The following PZP variants were observed in gnomAD, a reference collection of about 807,000 sequenced individuals.
The protein encoded by PZP is pregnancy zone protein.
PZP carries 150 observed loss-of-function variants against 179.8 expected under a neutral mutation model. The ratio of observed to expected loss-of-function variants is 0.83; its 90% confidence interval spans 0.73 to 0.96. The LOEUF (loss-of-function observed/expected upper bound fraction) is 0.96. Among genes scored for constraint, PZP ranks in the 40% least tolerant of loss-of-function variants. PZP has a pLI of 0.00. For synonymous variants in PZP, 624 were observed against 652.3 expected (o/e 0.96, Z 0.66); for missense variants, 1,689 against 1,764.0 (o/e 0.96, Z 0.76).
chr12:9,139,601 A>C, the PZP span, among the ~76,000 whole-genome samples: 1 of 152,158 alleles, frequency 6.6e-6, no homozygotes, highest in African/African-American at 2.4e-5. Context: ...TTATATATTT[A>C]GGTGTTCTAC....
chr12:9,163,743 T>G lies in PZP; in HGVS notation c.2661A>C (p.Glu887Asp). 1 of 1,613,808 alleles carries G rather than the reference T, an allele frequency of 6.2e-7. No homozygotes were observed. The highest frequency in any genetic ancestry group is 1.1e-5 in the South Asian group (1 of 91,068). ...CCTCAACAACCTCATTTCCACAGAG[T>G]TCTAAGGACTGCATTGCCTCTGCAC... ...SVSAEAMQSL[E>D]LCGNEVVEVP... The change falls in exon 21 of 36, where the codon GAA becomes GAC. Residue 887 changes from glutamate to aspartate, a missense_variant. Physicochemically the swap from Glu to Asp is conservative, Grantham distance 45. Transcript: ENST00000261336.
chr12:9,169,109 A>G, intron 16 of PZP, 135 bp from the exon 17 acceptor site: 1 of 633,722 alleles, frequency 1.6e-6, no homozygotes, highest in Non-Finnish European at 2.7e-6. Flanking sequence ...CAGTAAATAT[A>G]GAGTAGTGAA....
intron 29 of PZP, 71 bp downstream of exon 29, chr12:9,154,545 A>G: frequency 7.3e-7 from 1 of 1,368,188 alleles, no homozygotes; most frequent in Non-Finnish European, 1.0e-6. Context: ...CTTTTCCATT[A>G]ACTGTTCTAC....
chr12:9,144,173 G>C (rs1290507148), downstream of PZP, among the ~76,000 whole-genome samples: 2 of 152,060 alleles, frequency 1.3e-5, no homozygotes, highest in Non-Finnish European at 2.9e-5. Context: ...GGAAGAGAGA[G>C]AGAGAGAGAG....
chr12:9,142,853 G>GT, the PZP span, among the ~76,000 whole-genome samples: 2 of 152,230 alleles, frequency 1.3e-5, no homozygotes, highest in East Asian at 3.9e-4. Context: ...GAAAACAAAG[G>GT]TTTTTCCCCA....
At chr12:9,194,466 T>TG (rs1565660496) in intron 10 of PZP, among the ~76,000 whole-genome samples, 1 of 147,508 alleles carries the variant, frequency 6.8e-6, no homozygotes, top group African/African-American at 2.5e-5. Flanking sequence ...CAGGGAGTTT[T>TG]TTTTTTTTTT....
chr12:9,174,974 A>G (rs1942264049), intron 15 of PZP, among the ~76,000 whole-genome samples: 1 of 152,224 alleles, frequency 6.6e-6, no homozygotes, highest in South Asian at 2.1e-4. Context: ...TAAAATTCAT[A>G]TGGAACCAAA....
At chr12:9,192,850 C>G (rs1052793531) in intron 11 of PZP, 111 bp from the exon 12 acceptor site, 1 of 694,014 alleles carries the variant, frequency 1.4e-6, no homozygotes, top group African/African-American at 1.8e-5. Flanking sequence ...TACACTATGC[C>G]TCTCCCTCAT....
intron 8 of PZP, 119 bp from the exon 9 acceptor site, chr12:9,196,804 C>T: frequency 1.2e-6 from 1 of 865,622 alleles, no homozygotes; most frequent in South Asian, 1.5e-5. Context: ...AGTTAATTGA[C>T]CTTCGAGAAC....
intron 15 of PZP, among the ~76,000 whole-genome samples, chr12:9,174,534 C>G (rs1438293649): frequency 6.6e-6 from 1 of 151,364 alleles, no homozygotes; most frequent in Non-Finnish European, 1.5e-5. Context: ...GTCAAATTAT[C>G]TTTATTTGAT....
At position 9,203,792 on chromosome 12, in the gene PZP, G is replaced by A; in HGVS notation, c.243C>T (p.Asp81=). 1 of 1,614,120 alleles carries A rather than the reference G, an allele frequency of 6.2e-7. No individual in the cohort carries two copies. Reference sequence around the variant, plus strand: ...CAGTGAAGGAGACACAGTGGAATAAGTCCTTCTCCGCCACCAGGTCAGTGA... The same window carrying A: ...CAGTGAAGGAGACACAGTGGAATAAATCCTTCTCCGCCACCAGGTCAGTGA... ...SLFTDLVAEK[D]LFHCVSFTLP... Residue 81 remains aspartate, a synonymous_variant, in exon 2 of 36, where the codon GAC becomes GAT. Coordinates refer to ENST00000261336, the MANE Select transcript of PZP (RefSeq NM_002864.3).
chr12:9,151,494 A>C (rs1940349313), intron 33 of PZP, 110 bp downstream of exon 33: 1 of 788,540 alleles, frequency 1.3e-6, no homozygotes, highest in South Asian at 2.2e-5. Context: ...ACCTTTCTGG[A>C]AGGGCATTAC....
chr12:9,192,546 A>AT lies in PZP; in HGVS notation c.1447dup (p.Met483AsnfsTer16). The AT allele has an allele frequency of 6.2e-7, 1 of 1,614,140 alleles. No individual in the cohort carries two copies. The highest frequency in any genetic ancestry group is 8.5e-7 in the Non-Finnish European group (1 of 1,179,986). ...GAAACTGAGCTCCGATAACTCTCCC[A>AT]TGGCCTGTCTATTCAGTGTATAGTG... On this transcript the variant is annotated frameshift_variant, in exon 12 of 36. Coordinates refer to ENST00000261336, the MANE Select transcript of PZP (RefSeq NM_002864.3). LOFTEE classifies it high-confidence loss of function.
At position 9,201,337 on chromosome 12, in the gene PZP, A is replaced by G. The variant is rs185991261; in HGVS notation, c.491T>C (p.Ile164Thr). Residue 164 changes from isoleucine to threonine, a missense_variant, in exon 5 of 36, where the codon ATA becomes ACA. By Grantham distance (89) the Ile-to-Thr change is moderately conservative. This residue lies in a region of PZP where 742 missense variants were observed against 730.5 expected (regional missense o/e 1.02). Coordinates refer to ENST00000261336, the MANE Select transcript of PZP (RefSeq NM_002864.3). The part of the protein sequence containing the change: ...FRPRNELIPL[I>T]YLENPRRNRI... Reference sequence around the variant, plus strand: ...TTTTCTGATACTTACCTCAAGGTATATCAGTGGAATCTATATGATAAAAGG... The same window carrying G: ...TTTTCTGATACTTACCTCAAGGTATGTCAGTGGAATCTATATGATAAAAGG... 130 of 1,556,204 alleles carry G rather than the reference A, an allele frequency of 8.4e-5. 1 individual carries two copies. In the East Asian group the frequency reaches 1.9e-3, roughly 23 times the overall value.
intron 5 of PZP, 123 bp downstream of exon 5, chr12:9,201,204 T>C (rs1435565846): frequency 1.5e-6 from 2 of 1,339,890 alleles, no homozygotes; most frequent in African/African-American, 2.9e-5. Context: ...ACCTGACAAC[T>C]GGGAGTAGGA....
At chr12:9,160,869 C>T (rs929732185) in intron 23 of PZP, among the ~76,000 whole-genome samples, 164 bp downstream of exon 23, 2 of 151,366 alleles carry the variant, frequency 1.3e-5, no homozygotes, top group East Asian at 1.9e-4. Flanking sequence ...GAGCCGAGAT[C>T]ACGTCACTGT....
chr12:9,157,829 C>A lies in PZP; in HGVS notation c.3307G>T (p.Asp1103Tyr), dbSNP rs1263514100. 6.2e-7 allele frequency: 1 copy of A among 1,613,558 alleles called. No homozygotes were observed. Among genetic ancestry groups the A allele is most frequent in the Non-Finnish European group, 8.5e-7 (1 of 1,179,536 alleles). Residue 1103 changes from aspartate (D) to tyrosine (Y), a missense_variant, in exon 27 of 36, where the codon GAT becomes TAT. Physicochemically the swap from Asp to Tyr is radical, Grantham distance 160. Transcript: ENST00000261336. The stretch of plus-strand genomic sequence containing the variant: ...ACATAGGCGGAGAGGGTCGCTTCAT[C>A]TTCTACACCTCCCTGTGAATACAAC... ...LNNAIKGGVE[D>Y]EATLSAYVTI... is the part of the protein sequence containing the mutation.
intron 13 of PZP, among the ~76,000 whole-genome samples, chr12:9,188,388 C>T (rs1943253247): frequency 6.6e-6 from 1 of 152,096 alleles, no homozygotes; most frequent in South Asian, 2.1e-4. Context: ...TAATAACAGC[C>T]ATCTATGACA....
At position 9,202,667 on chromosome 12, in the gene PZP, G is replaced by A; in HGVS notation, c.285C>T (p.Ala95=). ...CVSFTLPRIS[A]SSEVAFLSIQ... ...TGCTAAGGAATGCCACCTCTGAAGA[G>A]GCTGAGATCCTTGGGAGCTAAAAAG... Residue 95 remains alanine, a synonymous_variant, in exon 3 of 36, where the codon GCC becomes GCT. Transcript: ENST00000261336. 6.2e-7 allele frequency: 1 copy of A among 1,613,918 alleles called. No homozygotes were observed. Among genetic ancestry groups the A allele is most frequent in the Non-Finnish European group, 8.5e-7 (1 of 1,179,916 alleles).
Sources: gnomAD v4.1 joint callset for allele counts (sites outside exome capture counted in the v4.1 genomes callset) on GRCh38, gnomAD v4.1.1 for gene constraint, gnomAD v4.1.1 regional missense constraint, MANE v1.5 for transcripts, NCBI Gene and HGNC (gene_info 2026-07-23, HGNC 2026-07-21) for gene names.